GPC6: variants seen among roughly 807,000 people sequenced by gnomAD.
GPC6 encodes the protein glypican 6.
GPC6 carries 14 observed loss-of-function variants against 55.2 expected under a neutral mutation model. The ratio of observed to expected loss-of-function variants is 0.25; its 90% CI spans 0.17 to 0.40. GPC6 has a LOEUF of 0.40. GPC6 is among the 10% of genes least tolerant of loss of function. GPC6 has a pLI of 1.00. For missense variants in GPC6, 641 were observed against 708.5 expected (o/e 0.90, Z 1.08); for synonymous variants, 278 against 259.6 (o/e 1.07, Z -0.68).
intron 3 of GPC6, among the ~76,000 whole-genome samples, chr13:93,953,880 G>A (rs770806109): frequency 1.3e-5 from 2 of 152,144 alleles, no homozygotes; most frequent in Non-Finnish European, 2.9e-5. Flanking sequence ...GACTGATATA[G>A]CATATATGGT....
intron 1 of GPC6, among the ~76,000 whole-genome samples, chr13:93,344,086 A>G (rs1880352006): frequency 1.3e-5 from 2 of 152,198 alleles, no homozygotes; most frequent in South Asian, 4.1e-4. Flanking sequence ...GAGCAACAGT[A>G]AAAGAAATCA....
chr13:94,035,321 G>GT (rs1883296219), intron 4 of GPC6, among the ~76,000 whole-genome samples: 1 of 53,872 alleles, frequency 1.9e-5, no homozygotes, highest in African/African-American at 4.1e-5. Flanking sequence ...TATTCCAGAA[G>GT]GCCAGAAACC....
At chr13:93,774,903 T>C (rs1293770089) in intron 2 of GPC6, among the ~76,000 whole-genome samples, 1 of 152,134 alleles carries the variant, frequency 6.6e-6, no homozygotes, top group Non-Finnish European at 1.5e-5. Context: ...CAGGAAAGTC[T>C]TCTTTTACCA....
chr13:93,741,882 G>T (rs1048341997), intron 2 of GPC6, among the ~76,000 whole-genome samples: 8 of 152,176 alleles, frequency 5.3e-5, no homozygotes, highest in African/African-American at 1.9e-4. Context: ...ATCAAATTAT[G>T]ACTCCTCCCA....
intron 1 of GPC6, among the ~76,000 whole-genome samples, chr13:93,330,092 C>T (rs558443850): frequency 2.6e-5 from 4 of 152,158 alleles, no homozygotes; most frequent in Non-Finnish European, 5.9e-5. Flanking sequence ...AGTGTATATA[C>T]ATGGATGCAT....
At chr13:94,086,614 C>G (rs1279432517) in intron 4 of GPC6, among the ~76,000 whole-genome samples, 1 of 152,152 alleles carries the variant, frequency 6.6e-6, no homozygotes, top group Non-Finnish European at 1.5e-5. Context: ...AGTTCTTTCA[C>G]CACTTCCCAA....
At chr13:93,297,962 G>C (rs1878550133) in intron 1 of GPC6, among the ~76,000 whole-genome samples, 1 of 152,136 alleles carries the variant, frequency 6.6e-6, no homozygotes, top group South Asian at 2.1e-4. Flanking sequence ...ACCACAATTG[G>C]CTTGATAAAA....
chr13:93,940,901 T>C (rs1005528104), intron 3 of GPC6, among the ~76,000 whole-genome samples: 9 of 152,204 alleles, frequency 5.9e-5, no homozygotes, highest in Non-Finnish European at 1.0e-4. Context: ...ATGAATGACT[T>C]TATATTAATA....
intron 6 of GPC6, among the ~76,000 whole-genome samples, chr13:94,380,975 T>A (rs1407459114): frequency 6.6e-6 from 1 of 152,202 alleles, no homozygotes; most frequent in Non-Finnish European, 1.5e-5. Context: ...TGATATGTCC[T>A]CATGATTAGA....
intron 4 of GPC6, among the ~76,000 whole-genome samples, chr13:94,028,842 T>C (rs1883005157): frequency 6.6e-6 from 1 of 152,158 alleles, no homozygotes; most frequent in South Asian, 2.1e-4. Flanking sequence ...CATCCAAGGA[T>C]AAAAGGACAA....
chr13:93,319,503 A>G (rs2139120504), intron 1 of GPC6, among the ~76,000 whole-genome samples: 1 of 152,308 alleles, frequency 6.6e-6, no homozygotes, highest in Middle Eastern at 3.4e-3. Context: ...GAGCTAATGA[A>G]GAACAAGAGA....
At chr13:93,496,788 A>G (rs1880314435) in intron 1 of GPC6, among the ~76,000 whole-genome samples, 1 of 152,224 alleles carries the variant, frequency 6.6e-6, no homozygotes, top group Admixed American at 6.5e-5. Context: ...CTATACAGTT[A>G]TCATGATGAT....
chr13:94,386,324 C>T (rs950077951), intron 7 of GPC6, among the ~76,000 whole-genome samples: 9 of 150,420 alleles, frequency 6.0e-5, no homozygotes, highest in African/African-American at 1.2e-4. Context: ...CACACCACTG[C>T]ACTCCAGCCT....
intron 1 of GPC6, among the ~76,000 whole-genome samples, chr13:93,506,316 G>A (rs926053118): frequency 2.6e-5 from 4 of 152,152 alleles, no homozygotes; most frequent in African/African-American, 9.7e-5. Context: ...TGCACTTTCA[G>A]CTAGCCAATA....
intron 2 of GPC6, among the ~76,000 whole-genome samples, chr13:93,761,428 T>C (rs1884950912): frequency 6.6e-6 from 1 of 152,250 alleles, no homozygotes; most frequent in African/African-American, 2.4e-5. Flanking sequence ...GTGTCATGCT[T>C]AAGACAATTA....
chr13:94,211,480 G>C (rs115763690), intron 4 of GPC6, among the ~76,000 whole-genome samples: 2,455 of 152,210 alleles, frequency 0.016, 61 homozygotes, highest in African/African-American at 0.054. Flanking sequence ...TCAATTATGA[G>C]TAATAAAAAA....
At position 94,260,748 on chromosome 13, in the gene GPC6, C is replaced by G. The variant is rs553021341; in HGVS notation, c.878-25601C>G. Reference sequence around the variant, plus strand: ...ATCTTTTGAAGGAGTTGCCAGCAATCTAAATGATTGACTGAAGAGAAGGGG... The same window carrying G: ...ATCTTTTGAAGGAGTTGCCAGCAATGTAAATGATTGACTGAAGAGAAGGGG... On this transcript the variant is annotated intron_variant, in intron 4 of 8. Coordinates refer to ENST00000377047, the MANE Select transcript of GPC6 (RefSeq NM_005708.5). Among the ~76,000 whole-genome samples, 3 of 152,200 alleles carry G rather than the reference C, an allele frequency of 2.0e-5. No homozygotes were observed. The East Asian group carries it at 5.8e-4, about 29-fold the overall frequency.
chr13:94,379,000 G>A (rs9556367), intron 6 of GPC6, among the ~76,000 whole-genome samples: 27,325 of 151,974 alleles, frequency 0.18, 2,834 homozygotes, highest in East Asian at 0.29. Flanking sequence ...TACTAAGAGT[G>A]TTTGTTAACA....
At chr13:94,309,390 T>C (rs186730014) in intron 6 of GPC6, among the ~76,000 whole-genome samples, 13 of 152,328 alleles carry the variant, frequency 8.5e-5, no homozygotes, top group African/African-American at 2.9e-4. Context: ...CTGGTCGTTA[T>C]GGGGTTTGTT....
Sources: gnomAD v4.1 joint callset for allele counts (sites outside exome capture counted in the v4.1 genomes callset) on GRCh38, gnomAD v4.1.1 for gene constraint, MANE v1.5 for transcripts, NCBI Gene and HGNC (gene_info 2026-07-23, HGNC 2026-07-21) for gene names.